The following ARHGAP21 variants were observed in gnomAD, a reference collection of about 807,000 sequenced individuals.
ARHGAP21 encodes rho GTPase-activating protein 21.
In ARHGAP21, 38 loss-of-function variants were observed where a neutral mutation model predicts 164.6. That is an observed-to-expected ratio of 0.23 (90% CI 0.18 to 0.30). The LOEUF is 0.30. ARHGAP21 is among the 10% of genes least tolerant of loss of function. The pLI is 1.00. For missense variants in ARHGAP21, 1,822 were observed against 2,370.7 expected, an observed-to-expected ratio of 0.77 and a Z score of 4.81; for synonymous variants, 766 against 857.9, an observed-to-expected ratio of 0.89 and a Z score of 1.87.
intron 2 of ARHGAP21, among the ~76,000 whole-genome samples, chr10:24,679,798 A>C (rs982973743): frequency 2.0e-5 from 3 of 152,148 alleles, no homozygotes; most frequent in African/African-American, 7.2e-5. Flanking sequence ...ATTTAATCTA[A>C]ATATTTTAAG....
At chr10:24,665,001 C>A (rs978938092) in intron 4 of ARHGAP21, among the ~76,000 whole-genome samples, 1 of 151,984 alleles carries the variant, frequency 6.6e-6, no homozygotes, top group Non-Finnish European at 1.5e-5. Flanking sequence ...GAAATATATT[C>A]CCCCCCATAA....
intron 24 of ARHGAP21, chr10:24,590,506 T>A: frequency 6.5e-7 from 1 of 1,533,012 alleles, no homozygotes; most frequent in Non-Finnish European, 8.7e-7. Context: ...TAGATTTGCC[T>A]GTGTCAGTAA....
intron 2 of ARHGAP21, among the ~76,000 whole-genome samples, chr10:24,719,228 T>C (rs904409926): frequency 1.2e-4 from 19 of 152,302 alleles, no homozygotes; most frequent in African/African-American, 4.6e-4. Flanking sequence ...GAGTACCATC[T>C]GGACCATCCT....
intron 9 of ARHGAP21, among the ~76,000 whole-genome samples, chr10:24,610,323 C>T (rs1391154420): frequency 4.6e-5 from 7 of 150,672 alleles, no homozygotes; most frequent in Non-Finnish European, 2.9e-5. Flanking sequence ...CTGCAGTAAG[C>T]TGAGATCATG....
rs891527972 is a variant in ARHGAP21 at position 24,711,211 on chromosome 10, G to T, written c.63+10626C>A. Reference sequence around the variant, plus strand: ...GAAAGAAGTTAGTTGGAGCACTTGGGCTTCTAGCAAAATCGCTGCATATCT... The same window carrying T: ...GAAAGAAGTTAGTTGGAGCACTTGGTCTTCTAGCAAAATCGCTGCATATCT... On this transcript the variant is annotated intron_variant, in intron 2 of 25. Coordinates refer to ENST00000396432, the MANE Select transcript of ARHGAP21 (RefSeq NM_020824.4). Among the ~76,000 whole-genome samples the T allele has an allele frequency of 4.6e-5, 7 of 152,004 alleles. 1 individual carries two copies. In the East Asian group the frequency reaches 9.6e-4, roughly 21 times the overall value.
chr10:24,587,100 A>G (rs749969768), intron 25 of ARHGAP21, among the ~76,000 whole-genome samples: 5 of 152,094 alleles, frequency 3.3e-5, no homozygotes, highest in Non-Finnish European at 5.9e-5. Context: ...CCACAGAAAC[A>G]CTGTAGTGCA....
intron 9 of ARHGAP21, among the ~76,000 whole-genome samples, chr10:24,608,916 C>A (rs1216533991): frequency 2.0e-5 from 3 of 151,910 alleles, no homozygotes; most frequent in Non-Finnish European, 4.4e-5. Flanking sequence ...AAGAAGATAA[C>A]TGAAGTTTTA....
chr10:24,683,794 A>G (rs1458401303), intron 2 of ARHGAP21, among the ~76,000 whole-genome samples: 5 of 152,230 alleles, frequency 3.3e-5, no homozygotes, highest in African/African-American at 1.2e-4. Flanking sequence ...GGACATGCAC[A>G]CATCTCACAC....
intron 13 of ARHGAP21, among the ~76,000 whole-genome samples, chr10:24,601,475 A>G (rs1255049099): frequency 1.3e-5 from 2 of 152,218 alleles, no homozygotes; most frequent in African/African-American, 4.8e-5. Context: ...CAAATATTAT[A>G]GAAAATTTTT....
At chr10:24,693,310 C>T (rs2132036868) in intron 2 of ARHGAP21, among the ~76,000 whole-genome samples, 1 of 152,206 alleles carries the variant, frequency 6.6e-6, no homozygotes, top group Admixed American at 6.5e-5. Flanking sequence ...CAATAGAATT[C>T]CCATCACGCT....
intron 24 of ARHGAP21, chr10:24,590,207 A>AT: frequency 6.9e-7 from 1 of 1,449,290 alleles, no homozygotes; most frequent in Admixed American, 2.5e-5. Context: ...AGACCATACC[A>AT]TGCTATTTCT....
chr10:24,596,607 GAAA>G, intron 17 of ARHGAP21, 130 bp downstream of exon 17: 3 of 1,235,050 alleles, frequency 2.4e-6, no homozygotes, highest in East Asian at 2.6e-5. Flanking sequence ...AATACTTAGG[GAAA>G]CTAAGGTCTG....
intron 4 of ARHGAP21, among the ~76,000 whole-genome samples, chr10:24,655,335 T>C (rs898843628): frequency 2.6e-5 from 4 of 152,054 alleles, no homozygotes; most frequent in East Asian, 3.9e-4. Context: ...GAACAGACAA[T>C]CTACAGAATG....
intron 7 of ARHGAP21, among the ~76,000 whole-genome samples, chr10:24,623,326 T>G (rs906356863): frequency 6.6e-6 from 1 of 152,212 alleles, no homozygotes; most frequent in Admixed American, 6.5e-5. Context: ...ACACTGTGCC[T>G]TTTGTACTAT....
chr10:24,692,530 C>A (rs1842835076), intron 2 of ARHGAP21, among the ~76,000 whole-genome samples: 1 of 152,170 alleles, frequency 6.6e-6, no homozygotes, highest in South Asian at 2.1e-4. Context: ...CCCAAATGTC[C>A]ATTAAGAGTA....
chr10:24,592,073 T>A, intron 21 of ARHGAP21, 61 bp from the exon 22 acceptor site: 1 of 1,369,504 alleles, frequency 7.3e-7, no homozygotes, highest in Non-Finnish European at 9.6e-7. Flanking sequence ...AGGCTGAAAT[T>A]GCCATTGTAG....
chr10:24,672,877 A>C (rs1840847170), intron 2 of ARHGAP21, among the ~76,000 whole-genome samples: 2 of 152,080 alleles, frequency 1.3e-5, no homozygotes, highest in Non-Finnish European at 2.9e-5. Context: ...AAAAACAAAA[A>C]CAAAAACAAA....
At chr10:24,664,112 G>A (rs868793066) in intron 4 of ARHGAP21, among the ~76,000 whole-genome samples, 5 of 152,080 alleles carry the variant, frequency 3.3e-5, no homozygotes, top group East Asian at 1.9e-4. Flanking sequence ...CTACTATATC[G>A]CTCTTTGTTT....
intron 4 of ARHGAP21, among the ~76,000 whole-genome samples, chr10:24,647,273 AT>A (rs1045455433): frequency 7.9e-5 from 12 of 152,094 alleles, no homozygotes; most frequent in South Asian, 2.1e-4. Flanking sequence ...GAAGTAAAAT[AT>A]TTTTTTTAAC....
Sources: allele counts gnomAD v4.1 joint callset (sites outside exome capture counted in the v4.1 genomes callset), GRCh38; gene constraint gnomAD v4.1.1; transcripts MANE v1.5; gene names NCBI Gene and HGNC (gene_info 2026-07-23, HGNC 2026-07-21).